CADPS: variants seen among roughly 807,000 people sequenced by gnomAD.
CADPS encodes the protein calcium-dependent secretion activator 1.
A neutral mutation model predicts 167.3 loss-of-function variants in CADPS; 57 were observed. That is an observed-to-expected ratio of 0.34 (90% CI 0.28 to 0.42). The LOEUF is 0.42. CADPS is among the 20% of genes least tolerant of loss of function. The pLI is 1.00. For synonymous variants in CADPS, 676 were observed against 635.3 expected (o/e 1.06, Z -0.96); for missense variants, 1,414 against 1,738.1 (o/e 0.81, Z 3.32).
intron 23 of CADPS, among the ~76,000 whole-genome samples, chr3:62,476,525 G>T (rs532779568): frequency 6.6e-6 from 1 of 152,258 alleles, no homozygotes; most frequent in South Asian, 2.1e-4. Context: ...GCATGGTGCT[G>T]AGACCTGGGG....
intron 3 of CADPS, among the ~76,000 whole-genome samples, chr3:62,703,653 T>C (rs926139262): frequency 1.3e-5 from 2 of 152,072 alleles, no homozygotes; most frequent in African/African-American, 2.4e-5. Flanking sequence ...AGCTCTAAAA[T>C]AGATTTGAAC....
At chr3:62,480,615 G>A (rs1172951755) in intron 22 of CADPS, among the ~76,000 whole-genome samples, 1 of 152,136 alleles carries the variant, frequency 6.6e-6, no homozygotes, top group Non-Finnish European at 1.5e-5. Context: ...AATGCTGAGG[G>A]CCGTCTTGAT....
intron 3 of CADPS, among the ~76,000 whole-genome samples, chr3:62,669,224 T>C (rs539103667): frequency 6.6e-6 from 1 of 152,286 alleles, no homozygotes; most frequent in East Asian, 1.9e-4. Flanking sequence ...AGATGGAGGC[T>C]GCCAAGAGCC....
intron 1 of CADPS, among the ~76,000 whole-genome samples, chr3:62,830,317 C>G (rs1027144268): frequency 6.6e-6 from 1 of 152,114 alleles, no homozygotes; most frequent in Admixed American, 6.6e-5. Context: ...GACATTTTTA[C>G]AAATCAGGAT....
chr3:62,665,640 C>T (rs12489973), intron 3 of CADPS, among the ~76,000 whole-genome samples: 38,500 of 152,126 alleles, frequency 0.25, 6,464 homozygotes, highest in East Asian at 0.71. Context: ...AGAGCCACCA[C>T]TGGGGACAGA....
chr3:62,524,607 A>G (rs749279427), intron 13 of CADPS, among the ~76,000 whole-genome samples: 4 of 152,200 alleles, frequency 2.6e-5, no homozygotes, highest in Non-Finnish European at 5.9e-5. Context: ...ACTTATTTAC[A>G]GTTCTCCTAA....
chr3:62,615,737 A>T (rs77015912), intron 6 of CADPS, among the ~76,000 whole-genome samples: 5,130 of 152,256 alleles, frequency 0.034, 158 homozygotes, highest in Middle Eastern at 0.085. Context: ...ACACCCACAG[A>T]GGAATGAGAG....
At chr3:62,717,894 G>A (rs2084985008) in intron 3 of CADPS, among the ~76,000 whole-genome samples, 1 of 152,008 alleles carries the variant, frequency 6.6e-6, no homozygotes, top group Non-Finnish European at 1.5e-5. Context: ...CATCCTCCCT[G>A]TCGCATGTGT....
intron 9 of CADPS, among the ~76,000 whole-genome samples, chr3:62,568,440 C>T (rs947705970): frequency 2.6e-5 from 4 of 152,202 alleles, no homozygotes; most frequent in Non-Finnish European, 4.4e-5. Context: ...TTCAGGCTTT[C>T]GTCTTTCTTC....
In CADPS at chr3:62,422,048, C is replaced by T. The variant is rs756044410; in HGVS notation, c.3777+16056G>A. On this transcript the variant is annotated intron_variant, in intron 28 of 29. Coordinates refer to ENST00000383710, the MANE Select transcript of CADPS (RefSeq NM_003716.4). ...ATTTCTTTGTGCATCTTGTCGTTAG[C>T]GAGTTCTTTAAGTTGAATGCCCAAA... 2.6e-5 allele frequency among the ~76,000 whole-genome samples: 4 copies of T among 152,130 alleles called. No individual in the cohort carries two copies. The South Asian group carries it at 8.3e-4, about 32-fold the overall frequency.
intron 24 of CADPS, among the ~76,000 whole-genome samples, chr3:62,467,510 A>C (rs1183898263): frequency 3.3e-5 from 5 of 152,152 alleles, no homozygotes; most frequent in Admixed American, 3.3e-4. Context: ...GAGGAAAGGG[A>C]TGTGAATTAG....
intron 1 of CADPS, among the ~76,000 whole-genome samples, chr3:62,813,786 G>A (rs750133108): frequency 3.9e-5 from 6 of 152,138 alleles, no homozygotes; most frequent in Non-Finnish European, 8.8e-5. Context: ...CCCTTGAAAA[G>A]TGGGCAAAGG....
intron 1 of CADPS, among the ~76,000 whole-genome samples, chr3:62,850,579 C>T (rs1247328101): frequency 3.2e-4 from 45 of 138,668 alleles, no homozygotes; most frequent in Non-Finnish European, 5.6e-4. Flanking sequence ...TGTAGTTGAG[C>T]GGCTTTGAGT....
chr3:62,546,489 C>T (rs550587091), intron 11 of CADPS, among the ~76,000 whole-genome samples: 23 of 152,176 alleles, frequency 1.5e-4, no homozygotes, highest in African/African-American at 4.6e-4. Flanking sequence ...TTAGTACTGA[C>T]GGTTTGAATT....
intron 24 of CADPS, 26 bp downstream of exon 24, chr3:62,474,147 A>C: frequency 1.7e-6 from 1 of 602,460 alleles, no homozygotes; most frequent in Admixed American, 5.5e-5. Context: ...GGAAAAAAAA[A>C]TCTGTATTTT....
chr3:62,601,166 T>C lies in CADPS; in HGVS notation c.1326-8418A>G, dbSNP rs1271529126. Among the ~76,000 whole-genome samples the C allele has an allele frequency of 6.6e-6, 1 of 152,228 alleles. No homozygotes were observed. Among genetic ancestry groups the C allele is most frequent in the Non-Finnish European group, 1.5e-5 (1 of 68,044 alleles). On this transcript the variant is annotated intron_variant, in intron 6 of 29. Coordinates refer to ENST00000383710, the MANE Select transcript of CADPS (RefSeq NM_003716.4). This position sits in a 1 kb window ranked among gnomAD's most constrained non-coding sequence, Gnocchi z 4.3. ...TATGGCTCATAAGCTAATAAGGGCT[T>C]TGTATTTTCAAATGGCTGAAAATAA... is the stretch of plus-strand genomic sequence containing the variant.
In CADPS at chr3:62,648,434, C is replaced by T. The variant is rs9877251; in HGVS notation, c.1203+2413G>A. Among the ~76,000 whole-genome samples the T allele has an allele frequency of 9.2e-3, 1,403 of 152,038 alleles. 23 individuals carry two copies. Among genetic ancestry groups the T allele is most frequent in the African/African-American group, 0.029 (1,185 of 41,478 alleles). ...TGGTGGTGCACATCTACAATCCCAG[C>T]ATTTTGGGGGGCTTAGGTGGATAGA... is the stretch of plus-strand genomic sequence containing the variant. On this transcript the variant is annotated intron_variant, in intron 5 of 29. Coordinates refer to ENST00000383710, the MANE Select transcript of CADPS (RefSeq NM_003716.4).
intron 3 of CADPS, among the ~76,000 whole-genome samples, chr3:62,663,611 C>CAAA (rs34328613): frequency 2.2e-4 from 27 of 120,206 alleles, no homozygotes; most frequent in African/African-American, 3.9e-4. Context: ...TCCCTGCCTC[C>CAAA]AAAAAAAAAA....
rs1238766700 is a variant in CADPS at position 62,521,712 on chromosome 3, GTCT to G, written c.2292-3465_2292-3463del. On this transcript the variant is annotated intron_variant, in intron 13 of 29. Coordinates refer to ENST00000383710, the MANE Select transcript of CADPS (RefSeq NM_003716.4). ...TCGTGTCCTGACTGTGAATATTCTG[GTCT>G]TCTTGCTTTCAGGCTTTTTAGCATC... is the stretch of plus-strand genomic sequence containing the variant. Among the ~76,000 whole-genome samples, 3 of 152,314 alleles carry G rather than the reference GTCT, an allele frequency of 2.0e-5. No homozygotes were observed. In the South Asian group the frequency reaches 6.2e-4, roughly 32 times the overall value.
Sources: allele counts gnomAD v4.1 joint callset (sites outside exome capture counted in the v4.1 genomes callset), GRCh38; gene constraint gnomAD v4.1.1; non-coding constraint Gnocchi (gnomAD v3.1); transcripts MANE v1.5; gene names NCBI Gene and HGNC (gene_info 2026-07-23, HGNC 2026-07-21).